Variants in RIMBP2 observed in about 807,000 individuals in gnomAD.
The protein encoded by RIMBP2 is RIMS-binding protein 2.
Under a neutral mutation model 118.6 loss-of-function variants are expected in RIMBP2, and 48 were observed. The observed-to-expected ratio is 0.40, with a 90% CI of 0.32 to 0.51. RIMBP2 has a LOEUF of 0.51. Among genes scored for constraint, RIMBP2 ranks in the 20% least tolerant of loss-of-function variants. The pLI is 0.41. For synonymous variants in RIMBP2, 762 were observed against 742.9 expected (o/e 1.03, Z -0.42); for missense variants, 1,551 against 1,768.3 (o/e 0.88, Z 2.20).
intron 5 of RIMBP2, chr12:130,471,911 T>C (rs2081042632): frequency 6.5e-6 from 1 of 153,422 alleles, no homozygotes; most frequent in African/African-American, 2.4e-5. Flanking sequence ...ACCTGGGTGG[T>C]GTGGGGCCTA....
intron 2 of RIMBP2, among the ~76,000 whole-genome samples, chr12:130,537,158 G>A (rs2054155068): frequency 6.6e-6 from 1 of 152,122 alleles, no homozygotes; most frequent in Non-Finnish European, 1.5e-5. Flanking sequence ...TGCCACCAGG[G>A]CCACTTACAC....
At chr12:130,526,793 C>T (rs1001343624) in intron 2 of RIMBP2, among the ~76,000 whole-genome samples, 6 of 151,932 alleles carry the variant, frequency 3.9e-5, no homozygotes, top group African/African-American at 7.3e-5. Flanking sequence ...ATTATAATAA[C>T]GTAAAATAAA....
Position 130,623,296 on chromosome 12 carries a change from G to A in RIMBP2, c.-217+5026C>T, listed in dbSNP as rs11061041. On this transcript the variant is annotated intron_variant, in intron 2 of 22. Transcript: ENST00000690449. The surrounding 1 kb of genome is among the most constrained non-coding windows in gnomAD (Gnocchi z 4.1). ...CTTGGCTACATGTGCAGAACATGCA[G>A]GTTTGTTACACAGGTATACATGTGC... Among the ~76,000 whole-genome samples, 34,031 of 152,108 alleles carry A rather than the reference G, an allele frequency of 0.22. 4,370 individuals carry two copies. The highest frequency in any genetic ancestry group is 0.35 in the African/African-American group (14,467 of 41,460).
chr12:130,609,210 G>A (rs529050909), intron 2 of RIMBP2, among the ~76,000 whole-genome samples: 4 of 151,902 alleles, frequency 2.6e-5, no homozygotes, highest in East Asian at 3.9e-4. Flanking sequence ...GCACCCCCAC[G>A]TATGAACTGA....
rs2077711019 is a variant in RIMBP2, at chr12:130,438,377, G to A, written c.1644C>T (p.Ala548=). ...AACGAAAACTCACCCTCTGCCCTTT[G>A]GCATACACGCCGTAGCCGGTAACGT... ...GANVTGYGVY[A]KGQRVAEVIF... Residue 548 remains alanine (A), a synonymous_variant, in exon 12 of 23, where the codon GCC becomes GCT. Coordinates refer to ENST00000690449, the MANE Select transcript of RIMBP2 (RefSeq NM_001393629.1). The A allele has an allele frequency of 1.8e-6, 2 of 1,123,658 alleles. No homozygotes were observed. The highest frequency in any genetic ancestry group is 2.2e-5 in the Admixed American group (1 of 46,072). The allele number at this position is 1,123,658 out of a possible 1,614,324, so 69.6% of individuals were successfully genotyped here. A position where few individuals can be genotyped will look rare whatever the true frequency, so the allele number is the denominator to read the frequency against.
chr12:130,509,920 T>C (rs1330976390), intron 3 of RIMBP2, among the ~76,000 whole-genome samples: 1 of 152,330 alleles, frequency 6.6e-6, no homozygotes, highest in African/African-American at 2.4e-5. Context: ...AGTTTCTAGT[T>C]TGGGGAGGAA....
At chr12:130,404,644 T>C (rs1161990027) in intron 21 of RIMBP2, among the ~76,000 whole-genome samples, 1 of 152,214 alleles carries the variant, frequency 6.6e-6, no homozygotes, top group Non-Finnish European at 1.5e-5. Flanking sequence ...AGAATAAATC[T>C]ATGAATCTTT....
rs1454148418 is a variant in RIMBP2, at chr12:130,574,261, C to T, written c.-217+54061G>A. 2.0e-5 allele frequency among the ~76,000 whole-genome samples: 3 copies of T among 151,428 alleles called. No individual in the cohort carries two copies. In the South Asian group the frequency reaches 6.3e-4, roughly 32 times the overall value. On this transcript the variant is annotated intron_variant, in intron 2 of 22. Transcript: ENST00000690449. ...CATTTTGAGAAACAGCAGCAGCTGT[C>T]CTGTTGGGGGGGTGGCGGTGGGCGG...
At chr12:130,437,336 C>T in intron 12 of RIMBP2, 45 bp from the exon 13 acceptor site, 1 of 1,504,056 alleles carries the variant, frequency 6.6e-7, no homozygotes, top group Non-Finnish European at 8.9e-7. Context: ...GAGGTGAGCC[C>T]CGCGGTCCTG....
intron 1 of RIMBP2, among the ~76,000 whole-genome samples, chr12:130,644,121 G>A (rs2141043423): frequency 6.6e-6 from 1 of 152,292 alleles, no homozygotes; most frequent in East Asian, 1.9e-4. Context: ...GCTCTCACTG[G>A]CAGAAAAGCT....
chr12:130,704,257 C>T (rs1356987462), intron 1 of RIMBP2, among the ~76,000 whole-genome samples: 1 of 152,080 alleles, frequency 6.6e-6, no homozygotes, highest in Non-Finnish European at 1.5e-5. Context: ...CTCATTAGGG[C>T]TGGGCTCCTG....
intron 9 of RIMBP2, among the ~76,000 whole-genome samples, chr12:130,448,836 T>A (rs2078758001): frequency 6.6e-6 from 1 of 152,226 alleles, no homozygotes; most frequent in African/African-American, 2.4e-5. Flanking sequence ...TACCTGAACC[T>A]CAGAAATGGG....
rs761002155 is a variant in RIMBP2, at chr12:130,664,391, A to ACGCACG, written c.-351-35936_-351-35935insCGTGCG. Among the ~76,000 whole-genome samples, 73 of 116,512 alleles carry ACGCACG rather than the reference A, an allele frequency of 6.3e-4. 2 individuals carry two copies. Among genetic ancestry groups the ACGCACG allele is most frequent in the Admixed American group, 4.6e-3 (54 of 11,634 alleles). The allele number at this position is 116,512 out of a possible 152,430, so 76.4% of individuals were successfully genotyped here. A position where few individuals can be genotyped will look rare whatever the true frequency, so the allele number is the denominator to read the frequency against. ...CACGTGCATGCACGCACGCGCATGC[A>ACGCACG]CACACACGCACGCACGCACGCACAC... On this transcript the variant is annotated intron_variant, in intron 1 of 22. Transcript: ENST00000690449.
rs546865888 is a variant in RIMBP2 at position 130,397,187 on chromosome 12, G to A, written c.*174C>T. On this transcript the variant is annotated 3_prime_UTR_variant, in exon 23 of 23. Coordinates refer to ENST00000690449, the MANE Select transcript of RIMBP2 (RefSeq NM_001393629.1). The stretch of plus-strand genomic sequence containing the variant: ...CTGCCAGCGGTGACAGAGAGCAACC[G>A]CTCCTCTTTGTTCTCGTGGTTGGTT... 17 of 368,418 alleles carry A rather than the reference G, an allele frequency of 4.6e-5. No individual in the cohort carries two copies. Among genetic ancestry groups the A allele is most frequent in the African/African-American group, 2.9e-4 (14 of 48,120 alleles). The allele number at this position is 368,418 out of a possible 1,614,324, so 22.8% of individuals were successfully genotyped here. A position where few individuals can be genotyped will look rare whatever the true frequency, so the allele number is the denominator to read the frequency against.
chr12:130,528,626 A>G (rs1249380716), intron 2 of RIMBP2, among the ~76,000 whole-genome samples: 1 of 152,248 alleles, frequency 6.6e-6, no homozygotes, highest in Non-Finnish European at 1.5e-5. Flanking sequence ...ATGTCTCTCA[A>G]TAATTGTACT....
At chr12:130,517,253 C>A (rs2051568328) in intron 3 of RIMBP2, among the ~76,000 whole-genome samples, 1 of 152,114 alleles carries the variant, frequency 6.6e-6, no homozygotes, top group African/African-American at 2.4e-5. Flanking sequence ...CACACTCAGT[C>A]CCCTTGCCGC....
chr12:130,652,678 C>G (rs1292199582), intron 1 of RIMBP2, among the ~76,000 whole-genome samples: 1 of 152,100 alleles, frequency 6.6e-6, no homozygotes, highest in Non-Finnish European at 1.5e-5. Flanking sequence ...AAAGAAATAC[C>G]TGAACCTGGG....
At chr12:130,529,827 G>T (rs1229474887) in intron 2 of RIMBP2, among the ~76,000 whole-genome samples, 1 of 152,030 alleles carries the variant, frequency 6.6e-6, no homozygotes, top group East Asian at 1.9e-4. Context: ...CATAAGGAGT[G>T]TGCAAACTAG....
At chr12:130,554,637 G>T (rs1296889644) in intron 2 of RIMBP2, among the ~76,000 whole-genome samples, 1 of 152,076 alleles carries the variant, frequency 6.6e-6, no homozygotes, top group African/African-American at 2.4e-5. Flanking sequence ...ATTCACTTAC[G>T]TGCTGCTCTA....
Sources: allele counts gnomAD v4.1 joint callset (sites outside exome capture counted in the v4.1 genomes callset), GRCh38; gene constraint gnomAD v4.1.1; non-coding constraint Gnocchi (gnomAD v3.1); transcripts MANE v1.5; gene names NCBI Gene and HGNC (gene_info 2026-07-23, HGNC 2026-07-21).